The following UFSP2 variants were observed in gnomAD, a reference collection of about 807,000 sequenced individuals.
UFSP2 encodes the protein UFM1 specific peptidase 2.
In UFSP2, 43 loss-of-function variants were observed where a neutral mutation model predicts 60.2. The ratio of observed to expected loss-of-function variants is 0.71; its 90% CI spans 0.56 to 0.92. The LOEUF (loss-of-function observed/expected upper bound fraction) is 0.92. Ranked by LOEUF, UFSP2 falls within the 40% of genes least tolerant of loss-of-function variation. The pLI, the probability that UFSP2 is intolerant of heterozygous loss-of-function variation, is 0.00. For synonymous variants in UFSP2, 183 were observed against 195.1 expected (o/e 0.94, Z 0.52); for missense variants, 520 against 575.0 (o/e 0.90, Z 0.98).
chr4:185,423,432 A>G (rs1051509984), intron 1 of UFSP2, among the ~76,000 whole-genome samples: 5 of 152,242 alleles, frequency 3.3e-5, no homozygotes, highest in Non-Finnish European at 7.3e-5. Context: ...AGTAAGAATC[A>G]AAGGTTTATA....
chr4:185,413,875 AAAAT>A lies in UFSP2; in HGVS notation c.685-7_685-4del. 1 of 1,588,388 alleles carries A rather than the reference AAAAT, an allele frequency of 6.3e-7. No homozygotes were observed. On this transcript the variant is annotated splice_region_variant and splice_polypyrimidine_tract_variant and intron_variant, in intron 6 of 11. Transcript: ENST00000264689. ...AGATTGAAAAGATCATGTAACTCCTAAAATAAATCAGAATCAACAGAAAAAGAAA... is the reference window on the plus strand; with the variant it reads ...AGATTGAAAAGATCATGTAACTCCTAAAATCAGAATCAACAGAAAAAGAAA...
intron 2 of UFSP2, among the ~76,000 whole-genome samples, chr4:185,421,453 A>G (rs778974960): frequency 2.1e-4 from 32 of 152,264 alleles, no homozygotes; most frequent in African/African-American, 1.7e-4. Flanking sequence ...CCTCACAGTA[A>G]TAAGAGTGAG....
Position 185,425,961 on chromosome 4 carries a change from G to C in UFSP2, c.-93C>G, listed in dbSNP as rs1387566399. The C allele has an allele frequency of 6.8e-7, 1 of 1,465,392 alleles. No individual in the cohort carries two copies. Among genetic ancestry groups the C allele is most frequent in the Non-Finnish European group, 9.3e-7 (1 of 1,071,116 alleles). 90.8% of individuals were successfully genotyped at this position (1,465,392 alleles called of 1,614,324 possible). ...GGTGTCACCGCACGGCCCAGGGGCG[G>C]GGCCCGGGCGGACCAACTACAACTC... is the stretch of plus-strand genomic sequence containing the variant. On this transcript the variant is annotated 5_prime_UTR_variant, in exon 1 of 12. Transcript: ENST00000264689.
In UFSP2 at chr4:185,417,369, C is replaced by T. The variant is rs76848985; in HGVS notation, c.333+1072G>A. 4.6e-3 allele frequency among the ~76,000 whole-genome samples: 694 copies of T among 152,330 alleles called. 2 individuals are homozygous for T. Among genetic ancestry groups the T allele is most frequent in the Non-Finnish European group, 7.6e-3 (519 of 68,024 alleles). On this transcript the variant is annotated intron_variant, in intron 4 of 11. Transcript: ENST00000264689. ...CATTCTACATCTGTAAATCTAACAGCTCATCTGTACATCTTACTGAGGTCT... is the reference window on the plus strand; with the variant it reads ...CATTCTACATCTGTAAATCTAACAGTTCATCTGTACATCTTACTGAGGTCT...
In UFSP2 at chr4:185,403,602, G is replaced by A; in HGVS notation, c.1215C>T (p.Ala405=). The A allele has an allele frequency of 6.2e-7, 1 of 1,611,710 alleles. No homozygotes were observed. The highest frequency in any genetic ancestry group is 8.5e-7 in the Non-Finnish European group (1 of 1,179,372). Residue 405 remains alanine, a synonymous_variant, in exon 11 of 12, where the codon GCC becomes GCT. Coordinates refer to ENST00000264689, the MANE Select transcript of UFSP2 (RefSeq NM_018359.5). ...TCCATGCAACTCCTAGTATTGTGTG[G>A]GCCAAAACTCCTCCCCCTATAGAAG... ...TPVMIGGGVL[A]HTILGVAWNE...
Position 185,403,583 on chromosome 4 carries a change from C to G in UFSP2, c.1234G>C (p.Ala412Pro), listed in dbSNP as rs1400461866. The change falls in exon 11 of 12, where the codon GCA (alanine) becomes CCA (proline). Residue 412 changes from alanine to proline, a missense_variant. Ala to Pro is a conservative substitution (Grantham distance 27). Transcript: ENST00000264689. The stretch of plus-strand genomic sequence containing the variant: ...ATCTGCCCTGTAATCTCATTCCATG[C>G]AACTCCTAGTATTGTGTGGGCCAAA... ...GVLAHTILGV[A>P]WNEITGQIKF... The G allele has an allele frequency of 6.2e-6, 10 of 1,614,132 alleles. No homozygotes were observed. The highest frequency in any genetic ancestry group is 7.6e-6 in the Non-Finnish European group (9 of 1,180,020).
intron 9 of UFSP2, among the ~76,000 whole-genome samples, chr4:185,407,017 CTTTTTTTTTTTT>C (rs34710879): frequency 2.0e-5 from 2 of 99,094 alleles, no homozygotes; most frequent in Admixed American, 1.3e-4. Flanking sequence ...TTTGGCTTTT[CTTTTTTTTTTTT>C]TTTTTTTTTA....
chr4:185,422,886 G>T (rs1472296515), intron 1 of UFSP2, among the ~76,000 whole-genome samples: 2 of 58,694 alleles, frequency 3.4e-5, no homozygotes, highest in South Asian at 1.6e-3. Context: ...TGGAGACAGG[G>T]TCTCACTCTG....
At chr4:185,402,173 C>G (rs116357283) in intron 11 of UFSP2, 3 of 353,218 alleles carry the variant, frequency 8.5e-6, no homozygotes, top group African/African-American at 6.5e-5. Flanking sequence ...TTTTAGCTCC[C>G]GAAAAACCTC....
rs2095511213 is a variant in UFSP2, at chr4:185,399,947, A to G, written c.*445T>C. 2 of 1,572,958 alleles carry G rather than the reference A, an allele frequency of 1.3e-6. No homozygotes were observed. Among genetic ancestry groups the G allele is most frequent in the African/African-American group, 1.4e-5 (1 of 72,790 alleles). ...GTCTAGAGACCAAAAATGGGACTGC[A>G]TGGTGGAAGTTTGGGGATAAAACTC... is the stretch of plus-strand genomic sequence containing the variant. On this transcript the variant is annotated 3_prime_UTR_variant, in exon 12 of 12. Transcript: ENST00000264689.
intron 6 of UFSP2, 70 bp downstream of exon 6, chr4:185,415,085 A>C: frequency 7.7e-7 from 1 of 1,292,294 alleles, no homozygotes; most frequent in Non-Finnish European, 1.1e-6. Flanking sequence ...TTTAGTGGAA[A>C]TATATAATTA....
intron 7 of UFSP2, among the ~76,000 whole-genome samples, chr4:185,413,395 CAAAA>C (rs1339484024): frequency 1.3e-5 from 2 of 151,586 alleles, no homozygotes; most frequent in South Asian, 2.1e-4. Flanking sequence ...CTCAAAAAAA[CAAAA>C]AAAGATTTAT....
rs2095551821 is a variant in UFSP2, at chr4:185,422,785, GGGA to G, written c.4-225_4-223del. Among the ~76,000 whole-genome samples the G allele has an allele frequency of 4.6e-5, 7 of 152,250 alleles. No individual in the cohort carries two copies. The East Asian group carries it at 7.7e-4, about 17-fold the overall frequency. On this transcript the variant is annotated intron_variant, in intron 1 of 11. Coordinates refer to ENST00000264689, the MANE Select transcript of UFSP2 (RefSeq NM_018359.5). Reference sequence around the variant, plus strand: ...CTTTGTTCTATACTGAAATCACCTGGGGAGCTTGAAATACTGAGGCCTGGGCTG... The same window carrying G: ...CTTTGTTCTATACTGAAATCACCTGGGCTTGAAATACTGAGGCCTGGGCTG...
chr4:185,411,198 T>C lies in UFSP2; in HGVS notation c.831+2528A>G, dbSNP rs372320612. Among the ~76,000 whole-genome samples, 733 of 151,228 alleles carry C rather than the reference T, an allele frequency of 4.8e-3. 2 individuals carry two copies. Among genetic ancestry groups the C allele is most frequent in the Non-Finnish European group, 7.3e-3 (495 of 67,840 alleles). Reference sequence around the variant, plus strand: ...GAAAATATTATGACTACAAGATATATTAAAACCTAGGTAAATAACTTATAA... The same window carrying C: ...GAAAATATTATGACTACAAGATATACTAAAACCTAGGTAAATAACTTATAA... On this transcript the variant is annotated intron_variant, in intron 7 of 11. Transcript: ENST00000264689.
chr4:185,422,528 T>G lies in UFSP2; in HGVS notation c.39A>C (p.Ile13=), dbSNP rs544428665. The change falls in exon 2 of 12, where the codon ATA becomes ATC. Residue 13 remains isoleucine (I), a synonymous_variant. Coordinates refer to ENST00000264689, the MANE Select transcript of UFSP2 (RefSeq NM_018359.5). ...ISESMDILFR[I]RGGLDLAFQL... Reference sequence around the variant, plus strand: ...GAAAAGCCAAATCAAGGCCTCCTCTTATTCTGAAGAGTATATCCATACTTT... The same window carrying G: ...GAAAAGCCAAATCAAGGCCTCCTCTGATTCTGAAGAGTATATCCATACTTT... 6 of 1,611,894 alleles carry G rather than the reference T, an allele frequency of 3.7e-6. No homozygotes were observed. In the South Asian group the frequency reaches 6.6e-5, roughly 18 times the overall value.
chr4:185,411,266 A>C (rs1183498463), intron 7 of UFSP2, among the ~76,000 whole-genome samples: 2 of 152,162 alleles, frequency 1.3e-5, no homozygotes, highest in Non-Finnish European at 2.9e-5. Flanking sequence ...TAAATTGGTT[A>C]CTAAAAATCT....
At chr4:185,405,266 A>G (rs1445499127) in intron 10 of UFSP2, among the ~76,000 whole-genome samples, 1 of 151,440 alleles carries the variant, frequency 6.6e-6, no homozygotes, top group African/African-American at 2.4e-5. Context: ...CCGAAGTGCT[A>G]GGATTACAGG....
chr4:185,415,685 G>T, intron 5 of UFSP2, 25 bp downstream of exon 5: 3 of 1,589,330 alleles, frequency 1.9e-6, no homozygotes, highest in Non-Finnish European at 2.6e-6. Context: ...TTCAAATGTG[G>T]CAGTGGTACT....
chr4:185,402,256 C>A (rs1358882774), intron 11 of UFSP2: 1 of 453,560 alleles, frequency 2.2e-6, no homozygotes, highest in South Asian at 1.6e-5. Flanking sequence ...GGAATGAACA[C>A]CTTGCTACAG....
Sources: allele counts gnomAD v4.1 joint callset (sites outside exome capture counted in the v4.1 genomes callset), GRCh38; gene constraint gnomAD v4.1.1; transcripts MANE v1.5; gene names NCBI Gene and HGNC (gene_info 2026-07-23, HGNC 2026-07-21).